Variants in RPS6KC1 observed in about 807,000 individuals in gnomAD.
The protein encoded by RPS6KC1 is inactive ribosomal protein S6 kinase delta-1.
In RPS6KC1, 54 loss-of-function variants were observed where a neutral mutation model predicts 103.8. That is an observed-to-expected ratio of 0.52 (90% CI 0.42 to 0.65). The LOEUF (loss-of-function observed/expected upper bound fraction) is 0.65, where lower values mean the gene tolerates loss of function less well. Among genes scored for constraint, RPS6KC1 ranks in the 30% least tolerant of loss-of-function variants. The probability of loss-of-function intolerance (pLI) is 0.00; values close to 1 mark genes in which losing one functional copy is unlikely to be tolerated. For synonymous variants in RPS6KC1, 439 were observed against 438.7 expected (o/e 1.00, Z -0.01); for missense variants, 1,151 against 1,253.8 (o/e 0.92, Z 1.24).
the RPS6KC1 span, among the ~76,000 whole-genome samples, chr1:213,420,787 A>C: frequency 3.3e-5 from 5 of 152,122 alleles, no homozygotes; most frequent in Non-Finnish European, 7.4e-5. Context: ...GTTTACTCTC[A>C]CACTTCCGGA....
At chr1:213,317,000 T>C in the RPS6KC1 span, among the ~76,000 whole-genome samples, 4 of 151,986 alleles carry the variant, frequency 2.6e-5, no homozygotes. Context: ...AGGGGTCTTA[T>C]AGGAGCCGTA....
Position 213,240,868 on chromosome 1 carries a change from A to T in RPS6KC1, c.1392A>T (p.Gly464=). 6.2e-7 allele frequency: 1 copy of T among 1,613,932 alleles called. No individual in the cohort carries two copies. Among genetic ancestry groups the T allele is most frequent in the Non-Finnish European group, 8.5e-7 (1 of 1,179,898 alleles). Residue 464 remains glycine (G), a synonymous_variant, in exon 11 of 15, where the codon GGA becomes GGT. Transcript: ENST00000366960. ...TTGAATCCAGAGGAAGTGATGGTGGAAGCATGCTTAAAGCTCTGCCTTTGA... is the reference window on the plus strand; with the variant it reads ...TTGAATCCAGAGGAAGTGATGGTGGTAGCATGCTTAAAGCTCTGCCTTTGA... ...SSFESRGSDG[G]SMLKALPLKS...
chr1:213,286,391 C>CTG, the RPS6KC1 span, among the ~76,000 whole-genome samples: 3 of 152,308 alleles, frequency 2.0e-5, no homozygotes, highest in East Asian at 5.8e-4. Flanking sequence ...AACACAGAAA[C>CTG]TATCAAAGAT....
chr1:213,779,785 A>C, the RPS6KC1 span, among the ~76,000 whole-genome samples: 1 of 152,322 alleles, frequency 6.6e-6, no homozygotes, highest in East Asian at 1.9e-4. Flanking sequence ...TGCCACAAGG[A>C]GATGCGCAGA....
the RPS6KC1 span, among the ~76,000 whole-genome samples, chr1:213,593,991 A>G: frequency 6.6e-6 from 1 of 152,012 alleles, no homozygotes; most frequent in African/African-American, 2.4e-5. Context: ...TCAGCCTACC[A>G]AGTATCTGGG....
intron 8 of RPS6KC1, among the ~76,000 whole-genome samples, chr1:213,230,154 T>G (rs1228079803): frequency 6.6e-6 from 1 of 152,194 alleles, no homozygotes; most frequent in African/African-American, 2.4e-5. Flanking sequence ...TTGAACAATT[T>G]TTTTTGAACC....
At chr1:213,654,731 TG>T in the RPS6KC1 span, among the ~76,000 whole-genome samples, 1 of 152,332 alleles carries the variant, frequency 6.6e-6, no homozygotes, top group Middle Eastern at 3.4e-3. Context: ...CCCCAGTTTT[TG>T]CTGCCTGTCT....
intron 8 of RPS6KC1, among the ~76,000 whole-genome samples, chr1:213,230,010 G>C (rs933418911): frequency 3.9e-5 from 6 of 152,110 alleles, no homozygotes; most frequent in African/African-American, 1.4e-4. Flanking sequence ...AGGATTTGCC[G>C]GTGGTGGAAA....
At chr1:213,419,583 A>G in the RPS6KC1 span, among the ~76,000 whole-genome samples, 1 of 152,354 alleles carries the variant, frequency 6.6e-6, no homozygotes, top group South Asian at 2.1e-4. Flanking sequence ...ATATCTGTGC[A>G]ATTTCCTTCA....
chr1:213,071,275 A>G (rs1207335987), intron 2 of RPS6KC1, among the ~76,000 whole-genome samples: 1 of 152,082 alleles, frequency 6.6e-6, no homozygotes, highest in Non-Finnish European at 1.5e-5. Flanking sequence ...AATTACAGGC[A>G]TCTGCCACCA....
chr1:213,733,691 T>C, the RPS6KC1 span, among the ~76,000 whole-genome samples: 1 of 152,194 alleles, frequency 6.6e-6, no homozygotes, highest in South Asian at 2.1e-4. Flanking sequence ...TCTTAAATTG[T>C]AGCCTTTGAA....
chr1:213,281,796 C>T, the RPS6KC1 span, among the ~76,000 whole-genome samples: 1 of 152,192 alleles, frequency 6.6e-6, no homozygotes, highest in Non-Finnish European at 1.5e-5. Context: ...TCAACCACCC[C>T]CACTCCCCAG....
the RPS6KC1 span, among the ~76,000 whole-genome samples, chr1:213,816,063 A>G: frequency 6.6e-6 from 1 of 152,236 alleles, no homozygotes; most frequent in Non-Finnish European, 1.5e-5. Context: ...AGCAGTCAGA[A>G]CACACAACAT....
chr1:213,853,929 A>G, the RPS6KC1 span, among the ~76,000 whole-genome samples: 3 of 152,172 alleles, frequency 2.0e-5, no homozygotes, highest in African/African-American at 7.2e-5. Flanking sequence ...GGTTTGTTCA[A>G]ATATAACACC....
chr1:213,560,011 G>A, the RPS6KC1 span, among the ~76,000 whole-genome samples: 3 of 152,092 alleles, frequency 2.0e-5, no homozygotes, highest in Non-Finnish European at 4.4e-5. Context: ...CAGAAGAGAT[G>A]ATGAAACTCT....
intron 2 of RPS6KC1, among the ~76,000 whole-genome samples, chr1:213,076,697 G>A (rs776744009): frequency 2.0e-5 from 3 of 151,284 alleles, no homozygotes; most frequent in Non-Finnish European, 4.4e-5. Context: ...TTTACATGTC[G>A]TCTAATCTAG....
chr1:213,263,736 A>G (rs1400960334), intron 14 of RPS6KC1, among the ~76,000 whole-genome samples: 3 of 152,200 alleles, frequency 2.0e-5, no homozygotes, highest in East Asian at 1.9e-4. Context: ...TACAAGGCAC[A>G]GTGCTATAAG....
intron 8 of RPS6KC1, among the ~76,000 whole-genome samples, chr1:213,227,744 TG>T (rs922347788): frequency 3.3e-5 from 5 of 152,236 alleles, no homozygotes; most frequent in African/African-American, 1.2e-4. Context: ...CTTTGCCACC[TG>T]AGAGCCAGCA....
At chr1:213,259,210 G>T (rs1286884218) in intron 12 of RPS6KC1, among the ~76,000 whole-genome samples, 9 of 152,164 alleles carry the variant, frequency 5.9e-5, no homozygotes, top group Admixed American at 5.9e-4. Context: ...ATATCATCTT[G>T]CTGTACTTTA....
Sources: allele counts gnomAD v4.1 joint callset (sites outside exome capture counted in the v4.1 genomes callset), GRCh38; gene constraint gnomAD v4.1.1; transcripts MANE v1.5; gene names NCBI Gene and HGNC (gene_info 2026-07-23, HGNC 2026-07-21).